Variants in SLIT2 observed in about 807,000 individuals in gnomAD.
SLIT2 encodes the protein slit guidance ligand 2.
Under a neutral mutation model 185.7 loss-of-function variants are expected in SLIT2, and 41 were observed. The observed-to-expected ratio is 0.22, with a 90% CI of 0.17 to 0.29. SLIT2 has a LOEUF of 0.29. Among genes scored for constraint, SLIT2 ranks in the 10% least tolerant of loss-of-function variants. SLIT2 has a pLI of 1.00. For synonymous variants in SLIT2, 693 were observed against 680.2 expected (o/e 1.02, Z -0.29); for missense variants, 1,571 against 1,909.0 (o/e 0.82, Z 3.30).
intron 34 of SLIT2, chr4:20,616,697 T>A: frequency 2.2e-6 from 1 of 461,892 alleles, no homozygotes; most frequent in Non-Finnish European, 3.9e-6. Context: ...TTATTCTAGT[T>A]GTGGATTAGA....
intron 4 of SLIT2, among the ~76,000 whole-genome samples, chr4:20,295,846 A>T (rs1262308166): frequency 6.6e-6 from 1 of 152,170 alleles, no homozygotes; most frequent in Non-Finnish European, 1.5e-5. Flanking sequence ...AAAAAAAAAT[A>T]AGAAAGGAAA....
At chr4:20,397,495 G>A (rs1005758886) in intron 4 of SLIT2, among the ~76,000 whole-genome samples, 3 of 151,702 alleles carry the variant, frequency 2.0e-5, no homozygotes, top group African/African-American at 7.3e-5. Context: ...TGCTTCCCTG[G>A]AGTTTCTTCC....
chr4:20,467,655 T>G, intron 4 of SLIT2, 97 bp from the exon 5 acceptor site: 4 of 647,360 alleles, frequency 6.2e-6, no homozygotes, highest in Non-Finnish European at 1.0e-5. Flanking sequence ...GTTTTCTTTT[T>G]TCTTTCTGGT....
chr4:20,571,166 A>G (rs539877889), intron 29 of SLIT2, among the ~76,000 whole-genome samples: 32 of 152,292 alleles, frequency 2.1e-4, no homozygotes, highest in South Asian at 8.3e-4. Context: ...AAAAGCTGTC[A>G]TCTGGGAACT....
chr4:20,329,054 A>G (rs533286256), intron 4 of SLIT2, among the ~76,000 whole-genome samples: 1 of 152,198 alleles, frequency 6.6e-6, no homozygotes, highest in African/African-American at 2.4e-5. Flanking sequence ...TGTGTCACAG[A>G]TATCTTCAGC....
At chr4:20,412,202 A>AT (rs1727309737) in intron 4 of SLIT2, among the ~76,000 whole-genome samples, 1 of 150,032 alleles carries the variant, frequency 6.7e-6, no homozygotes, top group South Asian at 2.1e-4. Context: ...AGCTTGGTTA[A>AT]TTAAAAAAAA....
chr4:20,467,852 T>A, intron 5 of SLIT2, 29 bp downstream of exon 5: 1 of 1,111,462 alleles, frequency 9.0e-7, no homozygotes, highest in Non-Finnish European at 1.3e-6. Context: ...ATTTATAGTG[T>A]TTTAAGTCAT....
intron 3 of SLIT2, among the ~76,000 whole-genome samples, chr4:20,268,512 G>GTTTTTTTTTTTTGTGT (rs1713272162): frequency 6.6e-6 from 1 of 151,802 alleles, no homozygotes; most frequent in Admixed American, 6.6e-5. Context: ...AGGCGCCTAA[G>GTTTTTTTTTTTTGTGT]ACTGAATCAC....
chr4:20,313,372 C>G (rs1454909778), intron 4 of SLIT2, among the ~76,000 whole-genome samples: 3 of 152,060 alleles, frequency 2.0e-5, no homozygotes, highest in African/African-American at 7.2e-5. Context: ...ACAGCCAGCT[C>G]TCATGAGAAG....
At position 20,613,771 on chromosome 4, in the gene SLIT2, C is replaced by T. The variant is rs186281575; in HGVS notation, c.3848-3139C>T. On this transcript the variant is annotated intron_variant, in intron 34 of 36. Coordinates refer to ENST00000504154, the MANE Select transcript of SLIT2 (RefSeq NM_004787.4). ...GGAGGACTGCCTGAAGGTGTTGCCT[C>T]AGCATCTGGGGAGAGGCAGCCCCTT... is the stretch of plus-strand genomic sequence containing the variant. 4.4e-3 allele frequency among the ~76,000 whole-genome samples: 676 copies of T among 152,322 alleles called. 1 individual carries two copies. The highest frequency in any genetic ancestry group is 7.3e-3 in the Non-Finnish European group (495 of 68,024).
chr4:20,336,028 C>T (rs550128224), intron 4 of SLIT2, among the ~76,000 whole-genome samples: 11 of 152,120 alleles, frequency 7.2e-5, no homozygotes, highest in Admixed American at 1.3e-4. Context: ...ATTTTCATGA[C>T]AAAAACCTAC....
intron 4 of SLIT2, among the ~76,000 whole-genome samples, chr4:20,437,253 C>G (rs1221750147): frequency 6.6e-6 from 1 of 152,118 alleles, no homozygotes; most frequent in Non-Finnish European, 1.5e-5. Flanking sequence ...CTGGTGCCAT[C>G]TCCCAAGCTG....
chr4:20,602,982 C>T (rs769698816), intron 33 of SLIT2, among the ~76,000 whole-genome samples: 4 of 152,040 alleles, frequency 2.6e-5, no homozygotes, highest in Non-Finnish European at 5.9e-5. Context: ...GCGCACGGGC[C>T]TAATATTTAC....
At chr4:20,266,863 A>C (rs966333607) in intron 3 of SLIT2, among the ~76,000 whole-genome samples, 11 of 152,038 alleles carry the variant, frequency 7.2e-5, no homozygotes, top group Admixed American at 2.6e-4. Context: ...AGAGGATGTA[A>C]GAAAGCACCA....
intron 4 of SLIT2, among the ~76,000 whole-genome samples, chr4:20,274,266 C>T (rs547852704): frequency 6.6e-6 from 1 of 152,138 alleles, no homozygotes; most frequent in African/African-American, 2.4e-5. Flanking sequence ...ACTTATTGGG[C>T]CCAAGGGACT....
At chr4:20,564,303 G>T (rs1445998378) in intron 26 of SLIT2, among the ~76,000 whole-genome samples, 2 of 151,536 alleles carry the variant, frequency 1.3e-5, no homozygotes, top group Non-Finnish European at 2.9e-5. Context: ...AGGAGAGCCA[G>T]ATGCAAAGAA....
chr4:20,441,050 C>G (rs570354762), intron 4 of SLIT2, among the ~76,000 whole-genome samples: 2 of 147,040 alleles, frequency 1.4e-5, no homozygotes, highest in South Asian at 2.1e-4. Flanking sequence ...ATGAAAATGA[C>G]CGAAGCCTCC....
chr4:20,615,872 G>A (rs1560243141), intron 34 of SLIT2: 1 of 152,224 alleles, frequency 6.6e-6, no homozygotes, highest in Non-Finnish European at 1.5e-5. Flanking sequence ...ATAATTACGG[G>A]GTTGTGGGGA....
intron 4 of SLIT2, among the ~76,000 whole-genome samples, chr4:20,369,278 G>A (rs908523020): frequency 1.3e-5 from 2 of 151,910 alleles, no homozygotes; most frequent in East Asian, 1.9e-4. Context: ...CTTGCCCACC[G>A]AGGTCTGGCC....
Sources: gnomAD v4.1 joint callset for allele counts (sites outside exome capture counted in the v4.1 genomes callset) on GRCh38, gnomAD v4.1.1 for gene constraint, MANE v1.5 for transcripts, NCBI Gene and HGNC (gene_info 2026-07-23, HGNC 2026-07-21) for gene names.